Variants in DCC observed in about 807,000 individuals in gnomAD.
DCC encodes the protein netrin receptor DCC.
A neutral mutation model predicts 172.5 loss-of-function variants in DCC; 58 were observed. The observed-to-expected ratio is 0.34, with a 90% CI of 0.27 to 0.42. The LOEUF (loss-of-function observed/expected upper bound fraction) is 0.42, where lower values mean the gene tolerates loss of function less well. Ranked by LOEUF, DCC falls within the 10% of genes least tolerant of loss-of-function variation. The pLI, the probability that DCC is intolerant of heterozygous loss-of-function variation, is 1.00. For missense variants in DCC, 1,740 were observed against 1,791.0 expected (o/e 0.97, Z 0.51); for synonymous variants, 709 against 644.5 (o/e 1.10, Z -1.52).
At chr18:53,003,517 T>C (rs893092253) in intron 5 of DCC, among the ~76,000 whole-genome samples, 2 of 152,148 alleles carry the variant, frequency 1.3e-5, no homozygotes, top group Admixed American at 1.3e-4. Context: ...TCATGGGTTT[T>C]AGATGTTATT....
chr18:53,274,376 T>C (rs1321775319), intron 12 of DCC, among the ~76,000 whole-genome samples: 1 of 152,160 alleles, frequency 6.6e-6, no homozygotes, highest in African/African-American at 2.4e-5. Context: ...CAAATTCCAC[T>C]TTTCATCCTA....
rs572187992 is a variant in DCC at position 52,910,790 on chromosome 18, A to G, written c.697+4462A>G. Among the ~76,000 whole-genome samples the G allele has an allele frequency of 5.3e-5, 8 of 152,160 alleles. 1 individual carries two copies. Among genetic ancestry groups the G allele is most frequent in the Admixed American group, 5.2e-4 (8 of 15,254 alleles). The stretch of plus-strand genomic sequence containing the variant: ...AATTCAATCTATTATTTGTTTAACT[A>G]CAGTTAGATGACTCTGAGTCCTGTA... On this transcript the variant is annotated intron_variant, in intron 3 of 28. Coordinates refer to ENST00000442544, the MANE Select transcript of DCC (RefSeq NM_005215.4).
intron 12 of DCC, among the ~76,000 whole-genome samples, chr18:53,301,719 T>C (rs2057144176): frequency 6.6e-6 from 1 of 152,140 alleles, no homozygotes; most frequent in Non-Finnish European, 1.5e-5. Flanking sequence ...CATCTATTGG[T>C]TTATTTTTAT....
intron 21 of DCC, among the ~76,000 whole-genome samples, chr18:53,434,127 G>A (rs1225810435): frequency 2.6e-5 from 4 of 152,094 alleles, no homozygotes; most frequent in Non-Finnish European, 4.4e-5. Flanking sequence ...TTATAGAGAT[G>A]AAGAAAACTG....
At chr18:52,871,453 GCTA>G (rs2039316610) in intron 2 of DCC, among the ~76,000 whole-genome samples, 1 of 152,036 alleles carries the variant, frequency 6.6e-6, no homozygotes. Flanking sequence ...TCTACCCTAG[GCTA>G]CCCCTCTTTT....
At chr18:52,828,104 T>G (rs1273166070) in intron 2 of DCC, among the ~76,000 whole-genome samples, 2 of 152,190 alleles carry the variant, frequency 1.3e-5, no homozygotes. Context: ...CCCATGCTAA[T>G]GGAACATGGT....
chr18:53,477,535 C>T (rs1161300216), intron 25 of DCC, among the ~76,000 whole-genome samples: 1 of 152,070 alleles, frequency 6.6e-6, no homozygotes. Flanking sequence ...GATTTCTAGT[C>T]ACATATATAA....
chr18:53,401,985 T>A (rs1332008233), intron 18 of DCC, among the ~76,000 whole-genome samples: 1 of 152,224 alleles, frequency 6.6e-6, no homozygotes, highest in African/African-American at 2.4e-5. Context: ...CTCATAGTTA[T>A]TTTTTACGTC....
At chr18:53,488,509 G>T (rs1176863890) in intron 26 of DCC, among the ~76,000 whole-genome samples, 1 of 151,864 alleles carries the variant, frequency 6.6e-6, no homozygotes, top group Non-Finnish European at 1.5e-5. Context: ...CTCATTTCTT[G>T]TCCCTTTTTT....
chr18:53,434,838 C>T (rs534903620), intron 21 of DCC, among the ~76,000 whole-genome samples: 68 of 152,128 alleles, frequency 4.5e-4, no homozygotes, highest in African/African-American at 1.5e-3. Flanking sequence ...GCATTTAGAC[C>T]GGCACTGCTG....
intron 25 of DCC, among the ~76,000 whole-genome samples, chr18:53,479,147 G>A (rs73957248): frequency 0.02 from 3,096 of 152,206 alleles, 88 homozygotes; most frequent in African/African-American, 0.071. Flanking sequence ...CTGTAGGAAC[G>A]GTGGTGAGAA....
At chr18:53,383,592 A>C (rs1353861522) in intron 15 of DCC, among the ~76,000 whole-genome samples, 4 of 150,008 alleles carry the variant, frequency 2.7e-5, no homozygotes, top group Non-Finnish European at 4.4e-5. Context: ...GTTCTGCGAG[A>C]AGCTGCTTCT....
At chr18:53,346,480 T>C (rs1469399958) in intron 15 of DCC, among the ~76,000 whole-genome samples, 1 of 152,166 alleles carries the variant, frequency 6.6e-6, no homozygotes, top group African/African-American at 2.4e-5. Flanking sequence ...TTTTTTAACC[T>C]TTTTACTCTT....
intron 8 of DCC, among the ~76,000 whole-genome samples, chr18:53,177,194 G>A (rs1296060442): frequency 1.3e-5 from 2 of 151,414 alleles, no homozygotes; most frequent in African/African-American, 2.4e-5. Context: ...TGGGGGGAGC[G>A]GGGGAGGGAT....
At chr18:52,983,608 C>A (rs1177556273) in intron 5 of DCC, among the ~76,000 whole-genome samples, 2 of 152,050 alleles carry the variant, frequency 1.3e-5, no homozygotes, top group African/African-American at 4.8e-5. Flanking sequence ...TTCCTTTTAT[C>A]TGAATGTTTG....
intron 5 of DCC, among the ~76,000 whole-genome samples, chr18:52,986,727 T>C (rs1387009683): frequency 2.0e-5 from 3 of 151,854 alleles, no homozygotes; most frequent in East Asian, 1.9e-4. Flanking sequence ...GCTATATATA[T>C]ACACACACAC....
chr18:53,139,672 G>C (rs2043801696), intron 7 of DCC, among the ~76,000 whole-genome samples: 1 of 152,110 alleles, frequency 6.6e-6, no homozygotes, highest in Non-Finnish European at 1.5e-5. Context: ...CATTTTATAG[G>C]TGAGGAAACC....
intron 1 of DCC, among the ~76,000 whole-genome samples, chr18:52,751,095 C>G (rs1384588448): frequency 4.6e-5 from 7 of 152,084 alleles, no homozygotes; most frequent in Non-Finnish European, 4.4e-5. Flanking sequence ...ATATTGAAAA[C>G]AAGATACCGA....
At chr18:53,020,081 C>T (rs1311064711) in intron 5 of DCC, among the ~76,000 whole-genome samples, 3 of 152,054 alleles carry the variant, frequency 2.0e-5, no homozygotes, top group Non-Finnish European at 4.4e-5. Context: ...AGTTTCAAAA[C>T]TACATCTACA....
Sources: allele counts gnomAD v4.1 joint callset (sites outside exome capture counted in the v4.1 genomes callset), GRCh38; gene constraint gnomAD v4.1.1; transcripts MANE v1.5; gene names NCBI Gene and HGNC (gene_info 2026-07-23, HGNC 2026-07-21).